FARS2: variants seen among roughly 807,000 people sequenced by gnomAD.
The protein encoded by FARS2 is phenylalanyl-tRNA synthetase 2, mitochondrial.
FARS2 carries 40 observed loss-of-function variants against 46.4 expected under a neutral mutation model. That is an observed-to-expected ratio of 0.86 (90% CI 0.67 to 1.12). The LOEUF (loss-of-function observed/expected upper bound fraction) is 1.12. Among genes scored for constraint, FARS2 ranks in the 50% most tolerant of loss-of-function variants. The probability of loss-of-function intolerance (pLI) is 0.00; values close to 1 mark genes in which losing one functional copy is unlikely to be tolerated. For missense variants in FARS2, 513 were observed against 567.9 expected, an observed-to-expected ratio of 0.90 and a Z score of 0.98; for synonymous variants, 234 against 214.9, an observed-to-expected ratio of 1.09 and a Z score of -0.78.
chr6:5,586,098 A>G (rs201772596), intron 5 of FARS2, among the ~76,000 whole-genome samples: 3 of 152,224 alleles, frequency 2.0e-5, no homozygotes, highest in Admixed American at 6.5e-5. Flanking sequence ...GAATTTGTCT[A>G]TTAGTTCTAA....
chr6:5,769,416 G>A (rs1018412699), intron 6 of FARS2, among the ~76,000 whole-genome samples: 17 of 152,312 alleles, frequency 1.1e-4, no homozygotes, highest in East Asian at 7.7e-4. Context: ...TTTCTGTCTC[G>A]CTGCGTTTTG....
chr6:5,482,091 T>C (rs1381391840), intron 4 of FARS2, among the ~76,000 whole-genome samples: 1 of 151,826 alleles, frequency 6.6e-6, no homozygotes, highest in African/African-American at 2.4e-5. Context: ...TTTTATTGGA[T>C]AAGTAAATGG....
At chr6:5,481,669 A>G (rs1240798164) in intron 4 of FARS2, among the ~76,000 whole-genome samples, 7 of 152,152 alleles carry the variant, frequency 4.6e-5, no homozygotes, top group African/African-American at 1.7e-4. Flanking sequence ...TGCATTTGGC[A>G]TGCACAGCTT....
At chr6:5,395,282 C>T (rs2432787) in intron 2 of FARS2, among the ~76,000 whole-genome samples, 5,908 of 152,202 alleles carry the variant, frequency 0.039, 384 homozygotes, top group African/African-American at 0.13. Context: ...AGCTCCTGAC[C>T]TCAAGGAATC....
At position 5,688,038 on chromosome 6, in the gene FARS2, G is replaced by C. The variant is rs573194989; in HGVS notation, c.1217+74718G>C. 2.6e-5 allele frequency among the ~76,000 whole-genome samples: 4 copies of C among 152,254 alleles called. 1 individual carries two copies. In the South Asian group the frequency reaches 8.3e-4, roughly 32 times the overall value. On this transcript the variant is annotated intron_variant, in intron 6 of 6. Transcript: ENST00000274680. ...GTGCATAAGAATACTTGTGATTTTT[G>C]CACATTGATTTTGTATCCTGAGACT...
chr6:5,360,779 A>G (rs1366546105), intron 1 of FARS2, among the ~76,000 whole-genome samples: 1 of 152,224 alleles, frequency 6.6e-6, no homozygotes, highest in East Asian at 1.9e-4. Context: ...GGATAGGATA[A>G]CCAGGATCAG....
chr6:5,543,427 C>T (rs1294299806), intron 4 of FARS2, among the ~76,000 whole-genome samples: 1 of 149,784 alleles, frequency 6.7e-6, no homozygotes, highest in Non-Finnish European at 1.5e-5. Flanking sequence ...TGCCATGGCA[C>T]AATTTCAGCT....
At chr6:5,712,791 T>G (rs1171285139) in intron 6 of FARS2, among the ~76,000 whole-genome samples, 2 of 152,212 alleles carry the variant, frequency 1.3e-5, no homozygotes, top group Non-Finnish European at 2.9e-5. Flanking sequence ...GCTCCTGCAC[T>G]CACACTGCCA....
chr6:5,658,612 A>G (rs970927430), intron 6 of FARS2, among the ~76,000 whole-genome samples: 3 of 152,246 alleles, frequency 2.0e-5, no homozygotes, highest in Admixed American at 6.5e-5. Flanking sequence ...TGTCATAGCC[A>G]TGATGGCATT....
intron 3 of FARS2, among the ~76,000 whole-genome samples, chr6:5,430,613 T>A (rs1043585318): frequency 2.0e-5 from 3 of 151,766 alleles, no homozygotes; most frequent in Non-Finnish European, 2.9e-5. Context: ...AGTTGATCAG[T>A]TTATCTTGAA....
At chr6:5,424,015 T>C (rs905615195) in intron 3 of FARS2, among the ~76,000 whole-genome samples, 1 of 152,192 alleles carries the variant, frequency 6.6e-6, no homozygotes, top group African/African-American at 2.4e-5. Flanking sequence ...CACTCTTTTC[T>C]TCTCTTAGGG....
chr6:5,278,558 T>C (rs140418619), intron 1 of FARS2, among the ~76,000 whole-genome samples: 302 of 152,360 alleles, frequency 2.0e-3, no homozygotes, highest in African/African-American at 5.3e-3. Context: ...AAATACTTGA[T>C]GTATGTTTTA....
At chr6:5,688,795 T>C (rs1353682759) in intron 6 of FARS2, among the ~76,000 whole-genome samples, 2 of 152,182 alleles carry the variant, frequency 1.3e-5, no homozygotes, top group Non-Finnish European at 2.9e-5. Context: ...CCTCCTTGTA[T>C]GTCTGGTAGA....
rs138309155 is a variant in FARS2 at position 5,587,008 on chromosome 6, C to T, written c.1066-26161C>T. Among the ~76,000 whole-genome samples, 944 of 152,160 alleles carry T rather than the reference C, an allele frequency of 6.2e-3. 45 individuals carry two copies. The highest frequency in any genetic ancestry group is 0.057 in the Admixed American group (865 of 15,290). The stretch of plus-strand genomic sequence containing the variant: ...TGACTTAATAATATGAATAATCTCC[C>T]GATAAGTAAGAGAACTAAATGCTTT... On this transcript the variant is annotated intron_variant, in intron 5 of 6. Coordinates refer to ENST00000274680, the MANE Select transcript of FARS2 (RefSeq NM_006567.5).
At chr6:5,638,289 G>T (rs1300557433) in intron 6 of FARS2, among the ~76,000 whole-genome samples, 1 of 152,236 alleles carries the variant, frequency 6.6e-6, no homozygotes, top group Non-Finnish European at 1.5e-5. Context: ...CCCGGGCCGG[G>T]CGCAGTGGCT....
chr6:5,466,019 C>T (rs1765494984), intron 4 of FARS2, among the ~76,000 whole-genome samples: 1 of 152,080 alleles, frequency 6.6e-6, no homozygotes, highest in South Asian at 2.1e-4. Context: ...GCAGGACAGA[C>T]CTGCCTCTTT....
At chr6:5,479,158 A>C (rs1033888166) in intron 4 of FARS2, among the ~76,000 whole-genome samples, 16 of 152,208 alleles carry the variant, frequency 1.1e-4, no homozygotes, top group African/African-American at 3.1e-4. Context: ...GGGTCTGGCC[A>C]TCTGAGCACA....
intron 4 of FARS2, among the ~76,000 whole-genome samples, chr6:5,474,783 C>G (rs374852645): frequency 3.5e-4 from 53 of 151,900 alleles, no homozygotes; most frequent in African/African-American, 1.1e-3. Flanking sequence ...CCTCAGCCTC[C>G]TGGGTAGCTG....
At chr6:5,466,869 T>G in intron 4 of FARS2, 1 of 985,456 alleles carries the variant, frequency 1.0e-6, no homozygotes, top group Non-Finnish European at 1.2e-6. Flanking sequence ...ATGCTGGCTC[T>G]TCTATGGATT....
Sources: gnomAD v4.1 joint callset for allele counts (sites outside exome capture counted in the v4.1 genomes callset) on GRCh38, gnomAD v4.1.1 for gene constraint, MANE v1.5 for transcripts, NCBI Gene and HGNC (gene_info 2026-07-23, HGNC 2026-07-21) for gene names.